Variants in SLC20A2 observed in about 807,000 individuals in gnomAD.
SLC20A2 encodes the protein sodium-dependent phosphate transporter 2.
A neutral mutation model predicts 61.0 loss-of-function variants in SLC20A2; 30 were observed. That is an observed-to-expected ratio of 0.49 (90% CI 0.37 to 0.67). The LOEUF (loss-of-function observed/expected upper bound fraction) is 0.67, where lower values mean the gene tolerates loss of function less well. SLC20A2 is among the 30% of genes least tolerant of loss of function. SLC20A2 has a pLI of 0.00. For missense variants in SLC20A2, 626 were observed against 866.4 expected (o/e 0.72, Z 3.48); for synonymous variants, 351 against 353.3 (o/e 0.99, Z 0.07).
intron 1 of SLC20A2, among the ~76,000 whole-genome samples, chr8:42,489,096 C>T (rs575774190): frequency 9.1e-4 from 139 of 152,062 alleles, no homozygotes; most frequent in African/African-American, 3.2e-3. Context: ...CCTGCTACCA[C>T]GCCCAGCTAA....
chr8:42,453,434 C>T (rs117397645), intron 5 of SLC20A2, among the ~76,000 whole-genome samples: 2,378 of 152,212 alleles, frequency 0.016, 19 homozygotes, highest in Middle Eastern at 0.024. Flanking sequence ...ACAAATCAAA[C>T]TAAGCCTAAG....
At chr8:42,517,930 T>C (rs1811412200) in intron 1 of SLC20A2, among the ~76,000 whole-genome samples, 1 of 152,176 alleles carries the variant, frequency 6.6e-6, no homozygotes, top group Non-Finnish European at 1.5e-5. Flanking sequence ...GGCAAACTTT[T>C]TTAAAGAATT....
At chr8:42,444,956 G>A (rs1396441604) in intron 5 of SLC20A2, among the ~76,000 whole-genome samples, 194 bp from the exon 6 acceptor site, 1 of 152,208 alleles carries the variant, frequency 6.6e-6, no homozygotes, top group Non-Finnish European at 1.5e-5. Context: ...TATATCTGGC[G>A]AATATGTGCT....
At position 42,444,990 on chromosome 8, in the gene SLC20A2, T is replaced by G. The variant is rs572815923; in HGVS notation, c.614-228A>C. On this transcript the variant is annotated intron_variant, in intron 5 of 10. Transcript: ENST00000520262. ...CTTAAACTAGTTAGTAAGCTAATTATTAAAGTTTTACCAACTGGGGGCCAG... is the reference window on the plus strand; with the variant it reads ...CTTAAACTAGTTAGTAAGCTAATTAGTAAAGTTTTACCAACTGGGGGCCAG... Among the ~76,000 whole-genome samples, 6 of 152,374 alleles carry G rather than the reference T, an allele frequency of 3.9e-5. No individual in the cohort carries two copies. The East Asian group carries it at 1.2e-3, about 29-fold the overall frequency.
intron 8 of SLC20A2, among the ~76,000 whole-genome samples, chr8:42,434,629 G>C (rs1189611482): frequency 2.6e-5 from 4 of 152,214 alleles, no homozygotes; most frequent in South Asian, 2.1e-4. Context: ...GTTAGAGACA[G>C]GGTGGGATAG....
chr8:42,507,130 CG>C (rs1337784144), intron 1 of SLC20A2, among the ~76,000 whole-genome samples: 1 of 152,168 alleles, frequency 6.6e-6, no homozygotes, highest in Non-Finnish European at 1.5e-5. Flanking sequence ...AGAACCACTC[CG>C]GTGCCCTACA....
At position 42,444,758 on chromosome 8, in the gene SLC20A2, G is replaced by A. The variant is rs760241437; in HGVS notation, c.618C>T (p.Leu206=). Residue 206 remains leucine, a synonymous_variant, in exon 6 of 11, where the codon CTC becomes CTT. Transcript: ENST00000520262. The stretch of plus-strand genomic sequence containing the variant: ...TGGCCCACATGGGGAGAACAAGGCC[G>A]AGCACTGGGAAGGAAAATGAGAAGC... ...FSIMYTGAPV[L]GLVLPMWAIA... 28 of 1,612,576 alleles carry A rather than the reference G, an allele frequency of 1.7e-5. No homozygotes were observed. The highest frequency in any genetic ancestry group is 3.3e-4 in the Middle Eastern group (2 of 6,060).
intron 1 of SLC20A2, among the ~76,000 whole-genome samples, chr8:42,523,667 A>T (rs913718134): frequency 6.6e-6 from 1 of 152,234 alleles, no homozygotes; most frequent in African/African-American, 2.4e-5. Context: ...CTCTGATATC[A>T]GGGGTATTCT....
At position 42,487,067 on chromosome 8, in the gene SLC20A2, G is replaced by A. The variant is rs1809072204; in HGVS notation, c.-265+13964C>T. ...TTTTTTAGAAGCACGGTTTCACTAT[G>A]TTGGCCAGGCTGGTCTGGAACTCCT... is the stretch of plus-strand genomic sequence containing the variant. On this transcript the variant is annotated intron_variant, in intron 1 of 10. Transcript: ENST00000520262. Among the ~76,000 whole-genome samples the A allele has an allele frequency of 2.0e-5, 3 of 151,392 alleles. No homozygotes were observed. In the South Asian group the frequency reaches 6.2e-4, roughly 32 times the overall value.
intron 2 of SLC20A2, among the ~76,000 whole-genome samples, chr8:42,466,733 A>C (rs1343421774): frequency 1.3e-5 from 2 of 152,078 alleles, no homozygotes; most frequent in Non-Finnish European, 2.9e-5. Context: ...CAGCTGCAAA[A>C]TCATGGCTCA....
chr8:42,420,528 TGA>T (rs1200470016), intron 10 of SLC20A2, among the ~76,000 whole-genome samples: 1 of 152,242 alleles, frequency 6.6e-6, no homozygotes, highest in Non-Finnish European at 1.5e-5. Flanking sequence ...TCATGTATTT[TGA>T]GAGTGGTCTA....
At chr8:42,419,653 C>T (rs945985850) in intron 10 of SLC20A2, 6 of 923,112 alleles carry the variant, frequency 6.5e-6, no homozygotes, top group Non-Finnish European at 7.8e-6. Context: ...TCTTTCCTCT[C>T]CCAACGTGTT....
intron 1 of SLC20A2, among the ~76,000 whole-genome samples, chr8:42,475,352 G>A (rs375026066): frequency 1.3e-4 from 19 of 151,764 alleles, no homozygotes; most frequent in African/African-American, 4.4e-4. Flanking sequence ...CTCCTACCTC[G>A]GCCTCCCAAA....
chr8:42,457,559 C>A (rs1806312977), intron 5 of SLC20A2, among the ~76,000 whole-genome samples: 1 of 152,022 alleles, frequency 6.6e-6, no homozygotes, highest in African/African-American at 2.4e-5. Context: ...TGGCTCACTG[C>A]AACCTCCACC....
chr8:42,443,907 A>G (rs1586047067), intron 6 of SLC20A2, among the ~76,000 whole-genome samples: 1 of 152,224 alleles, frequency 6.6e-6, no homozygotes, highest in East Asian at 1.9e-4. Context: ...GCTCTTCCGG[A>G]TCATGGGCTT....
intron 10 of SLC20A2, chr8:42,419,501 A>G (rs1379310458): frequency 6.4e-6 from 1 of 155,502 alleles, no homozygotes; most frequent in Non-Finnish European, 1.4e-5. Context: ...GTGAGCCAAG[A>G]TCGCGATACT....
chr8:42,490,578 C>T (rs1809434646), intron 1 of SLC20A2, among the ~76,000 whole-genome samples: 1 of 152,158 alleles, frequency 6.6e-6, no homozygotes, highest in Admixed American at 6.5e-5. Flanking sequence ...CCCTGAGAGA[C>T]AGAGTAAGAC....
intron 4 of SLC20A2, among the ~76,000 whole-genome samples, chr8:42,461,042 A>G (rs564368916): frequency 6.6e-6 from 1 of 152,334 alleles, no homozygotes; most frequent in Admixed American, 6.5e-5. Context: ...CAGCCCATCA[A>G]GGAGCTGTTC....
chr8:42,522,606 G>A (rs1203965719), intron 1 of SLC20A2, among the ~76,000 whole-genome samples: 4 of 120,420 alleles, frequency 3.3e-5, no homozygotes, highest in South Asian at 3.0e-4. Context: ...ACTTGAACCC[G>A]GGAGGCGGAG....
Sources: gnomAD v4.1 joint callset for allele counts (sites outside exome capture counted in the v4.1 genomes callset) on GRCh38, gnomAD v4.1.1 for gene constraint, MANE v1.5 for transcripts, NCBI Gene and HGNC (gene_info 2026-07-23, HGNC 2026-07-21) for gene names.